Variants in PSMB1 observed in about 807,000 individuals in gnomAD.
PSMB1 encodes the protein proteasome 20S subunit beta 1, also known as proteasome subunit beta type-1.
In PSMB1, 7 loss-of-function variants were observed where a neutral mutation model predicts 25.4. The ratio of observed to expected loss-of-function variants is 0.28; its 90% CI spans 0.16 to 0.52. The LOEUF (loss-of-function observed/expected upper bound fraction) is 0.52, where lower values mean the gene tolerates loss of function less well. Ranked by LOEUF, PSMB1 falls within the 20% of genes least tolerant of loss-of-function variation. The probability of loss-of-function intolerance (pLI) is 0.97; values close to 1 mark genes in which losing one functional copy is unlikely to be tolerated. For missense variants in PSMB1, 284 were observed against 302.2 expected (o/e 0.94, Z 0.45); for synonymous variants, 119 against 115.0 (o/e 1.03, Z -0.22).
At chr6:170,537,991 G>C (rs1778715415) in intron 4 of PSMB1, among the ~76,000 whole-genome samples, 3 of 152,186 alleles carry the variant, frequency 2.0e-5, no homozygotes, top group African/African-American at 7.2e-5. Context: ...GTAAAACGAA[G>C]AGAATTCTGT....
At chr6:170,545,709 T>C (rs1334396515) in intron 3 of PSMB1, among the ~76,000 whole-genome samples, 2 of 152,168 alleles carry the variant, frequency 1.3e-5, no homozygotes, top group African/African-American at 2.4e-5. Flanking sequence ...CACAGCACTG[T>C]AAAGAGGAAA....
chr6:170,536,623 T>A (rs1207338819), intron 5 of PSMB1: 1 of 366,270 alleles, frequency 2.7e-6, no homozygotes, highest in Non-Finnish European at 5.4e-6. Flanking sequence ...TATTTTCTCT[T>A]CCTATAATTT....
At chr6:170,540,294 G>C (rs534467397) in intron 4 of PSMB1, among the ~76,000 whole-genome samples, 3 of 152,120 alleles carry the variant, frequency 2.0e-5, no homozygotes, top group Admixed American at 6.5e-5. Context: ...GGACTTAGGG[G>C]ACCAGGCTCT....
chr6:170,539,866 T>C (rs958529430), intron 4 of PSMB1, among the ~76,000 whole-genome samples: 1 of 152,200 alleles, frequency 6.6e-6, no homozygotes, highest in Non-Finnish European at 1.5e-5. Flanking sequence ...AATGATGCTA[T>C]GTATTACAGC....
chr6:170,538,578 A>G (rs2114975259), intron 4 of PSMB1, among the ~76,000 whole-genome samples: 1 of 152,286 alleles, frequency 6.6e-6, no homozygotes, highest in African/African-American at 2.4e-5. Flanking sequence ...ACGTGCCTCT[A>G]TTCCCAACTA....
At chr6:170,537,365 A>G (rs1474742982) in intron 4 of PSMB1, 25 bp from the exon 5 acceptor site, 2 of 1,559,498 alleles carry the variant, frequency 1.3e-6, no homozygotes, top group African/African-American at 2.7e-5. Context: ...CAGTATTCAT[A>G]AGGATGGTAT....
At position 170,543,595 on chromosome 6, in the gene PSMB1, T is replaced by G; in HGVS notation, c.433+6A>C. 1 of 1,603,290 alleles carries G rather than the reference T, an allele frequency of 6.2e-7. No homozygotes were observed. Among genetic ancestry groups the G allele is most frequent in the Non-Finnish European group, 8.5e-7 (1 of 1,172,694 alleles). Reference sequence around the variant, plus strand: ...CCCACCATTTTCCAGAAAGAAGGAATTCTACCTTCTTCATCAAGTCCACCG... The same window carrying G: ...CCCACCATTTTCCAGAAAGAAGGAAGTCTACCTTCTTCATCAAGTCCACCG... On this transcript the variant is annotated splice_donor_region_variant and intron_variant, in intron 4 of 5. Coordinates refer to ENST00000262193, the MANE Select transcript of PSMB1 (RefSeq NM_002793.4).
chr6:170,545,737 T>C (rs2114979438), intron 3 of PSMB1, among the ~76,000 whole-genome samples: 1 of 152,328 alleles, frequency 6.6e-6, no homozygotes, highest in South Asian at 2.1e-4. Context: ...CAACTGATGG[T>C]GATGCAAACC....
At chr6:170,541,338 G>A (rs930759191) in intron 4 of PSMB1, among the ~76,000 whole-genome samples, 1 of 152,048 alleles carries the variant, frequency 6.6e-6, no homozygotes, top group Non-Finnish European at 1.5e-5. Flanking sequence ...AGTTACACAA[G>A]AAAGAAAATA....
chr6:170,539,810 T>G (rs1482290600), intron 4 of PSMB1, among the ~76,000 whole-genome samples: 1 of 152,150 alleles, frequency 6.6e-6, no homozygotes, highest in Non-Finnish European at 1.5e-5. Flanking sequence ...GTGTTTATAT[T>G]AAGAAAACAG....
chr6:170,550,366 C>T (rs1017431936), intron 1 of PSMB1: 1 of 152,190 alleles, frequency 6.6e-6, no homozygotes, highest in Admixed American at 6.5e-5. Flanking sequence ...AGGGTTCCTA[C>T]TGTAGAAAAT....
intron 4 of PSMB1, among the ~76,000 whole-genome samples, chr6:170,538,905 G>A (rs1390414453): frequency 6.6e-6 from 1 of 152,126 alleles, no homozygotes; most frequent in Non-Finnish European, 1.5e-5. Flanking sequence ...CTCTCATGAG[G>A]ATGACAGGCC....
At chr6:170,549,963 T>C (rs1392068159) in intron 1 of PSMB1, 1 of 151,378 alleles carries the variant, frequency 6.6e-6, no homozygotes, top group African/African-American at 2.4e-5. Flanking sequence ...CCACTCTTGC[T>C]ACTTACTAGG....
rs1778704939 is a variant in PSMB1 at position 170,537,170 on chromosome 6, G to C, written c.540+64C>G. 2.4e-6 allele frequency: 3 copies of C among 1,240,722 alleles called. No individual in the cohort carries two copies. The Admixed American group carries it at 5.3e-5, about 22-fold the overall frequency. The allele number at this position is 1,240,722 out of a possible 1,614,324, so 76.9% of individuals were successfully genotyped here. A position where few individuals can be genotyped will look rare whatever the true frequency, so the allele number is the denominator to read the frequency against. On this transcript the variant is annotated intron_variant, in intron 5 of 5. Transcript: ENST00000262193. ...AATGAAGAGGAGAACTTGGAGGAAG[G>C]CACTTCAACTGAACACCATGACAAG...
At chr6:170,540,588 C>CAAAA (rs5881872) in intron 4 of PSMB1, among the ~76,000 whole-genome samples, 26 of 61,170 alleles carry the variant, frequency 4.3e-4, no homozygotes, top group African/African-American at 1.2e-3. Context: ...GAATGGACAG[C>CAAAA]AAAAAAAAAA....
At chr6:170,543,447 T>C (rs11968946) in intron 4 of PSMB1, among the ~76,000 whole-genome samples, 154 bp downstream of exon 4, 5,234 of 152,252 alleles carry the variant, frequency 0.034, 301 homozygotes, top group African/African-American at 0.12. Flanking sequence ...AGGTCATACA[T>C]TAGCTTCAGT....
At chr6:170,552,398 T>C (rs562440242) in intron 1 of PSMB1, among the ~76,000 whole-genome samples, 1 of 152,312 alleles carries the variant, frequency 6.6e-6, no homozygotes, top group African/African-American at 2.4e-5. Flanking sequence ...AAAATTATAC[T>C]ACTCAAGATA....
intron 1 of PSMB1, 80 bp downstream of exon 1, chr6:170,553,050 T>C: frequency 2.4e-6 from 3 of 1,270,264 alleles, no homozygotes; most frequent in Non-Finnish European, 2.2e-6. Context: ...GGCAGCGCCA[T>C]CACGGCGGTG....
intron 4 of PSMB1, among the ~76,000 whole-genome samples, chr6:170,541,984 A>G (rs548174113): frequency 1.3e-5 from 2 of 152,346 alleles, no homozygotes; most frequent in African/African-American, 2.4e-5. Context: ...AAAGCCAGGC[A>G]TAATGTAAGT....
Sources: gnomAD v4.1 joint callset for allele counts (sites outside exome capture counted in the v4.1 genomes callset) on GRCh38, gnomAD v4.1.1 for gene constraint, MANE v1.5 for transcripts, NCBI Gene and HGNC (gene_info 2026-07-23, HGNC 2026-07-21) for gene names.